The following SSPN variants were observed in gnomAD, a reference collection of about 807,000 sequenced individuals.
SSPN encodes the protein sarcospan, also known as K-ras oncogene-associated protein.
Under a neutral mutation model 19.1 loss-of-function variants are expected in SSPN, and 15 were observed. The ratio of observed to expected loss-of-function variants is 0.78; its 90% CI spans 0.52 to 1.21. The LOEUF (loss-of-function observed/expected upper bound fraction) is 1.21. SSPN is among the 50% of genes most tolerant of loss of function. The probability of loss-of-function intolerance (pLI) is 0.00; values close to 1 mark genes in which losing one functional copy is unlikely to be tolerated. For synonymous variants in SSPN, 147 were observed against 140.3 expected (o/e 1.05, Z -0.34); for missense variants, 291 against 314.0 (o/e 0.93, Z 0.55).
At chr12:26,149,800 A>G (rs1003252771) in intron 1 of SSPN, among the ~76,000 whole-genome samples, 7 of 152,246 alleles carry the variant, frequency 4.6e-5, no homozygotes, top group East Asian at 3.8e-4. Flanking sequence ...TACAGTTAAC[A>G]TATGTAGATT....
upstream of SSPN, among the ~76,000 whole-genome samples, chr12:26,192,268 T>C (rs1277708983): frequency 1.3e-5 from 2 of 152,210 alleles, no homozygotes; most frequent in African/African-American, 4.8e-5. Context: ...CAGCCAAGAG[T>C]ATCCAAAAAC....
Position 26,233,693 on chromosome 12 carries a change from A to G in SSPN, c.*2617A>G, listed in dbSNP as rs949625576. ...ACATTTAAAATCTGACAAGGCGCCAAGATGGTGACTGTCTCCTCTAAACCA... is the reference window on the plus strand; with the variant it reads ...ACATTTAAAATCTGACAAGGCGCCAGGATGGTGACTGTCTCCTCTAAACCA... On this transcript the variant is annotated 3_prime_UTR_variant, in exon 3 of 3. Coordinates refer to ENST00000242729, the MANE Select transcript of SSPN (RefSeq NM_005086.5). The surrounding 1 kb of genome is among the most constrained non-coding windows in gnomAD (Gnocchi z 4.3). 1.3e-5 allele frequency: 2 copies of G among 152,246 alleles called. No homozygotes were observed. The highest frequency in any genetic ancestry group is 4.8e-5 in the African/African-American group (2 of 41,468). The allele number at this position is 152,246 out of a possible 1,614,324, so 9.4% of individuals were successfully genotyped here.
At chr12:26,152,113 G>T (rs776830324) in intron 1 of SSPN, among the ~76,000 whole-genome samples, 3 of 151,992 alleles carry the variant, frequency 2.0e-5, no homozygotes, top group Admixed American at 1.3e-4. Context: ...TTCATTCTAG[G>T]CAATCAACAA....
chr12:26,232,934 T>TAAA lies in SSPN; in HGVS notation c.*1877_*1879dup, dbSNP rs34314422. 15,436 of 81,088 alleles carry TAAA rather than the reference T, an allele frequency of 0.19. 1,928 individuals carry two copies. The highest frequency in any genetic ancestry group is 0.28 in the Admixed American group (1,681 of 6,006). 5.0% of individuals were successfully genotyped at this position (81,088 alleles called of 1,614,324 possible). ...ACCTGTAAAATACCTTGTGCCCTAT[T>TAAA]AAAAAAAAAAAAAAAAAAAAAGCCA... On this transcript the variant is annotated 3_prime_UTR_variant, in exon 3 of 3. Transcript: ENST00000242729.
upstream of SSPN, among the ~76,000 whole-genome samples, chr12:26,193,657 T>G (rs1166351052): frequency 1.3e-5 from 2 of 152,200 alleles, no homozygotes; most frequent in Non-Finnish European, 2.9e-5. Context: ...ATTTGTCTGT[T>G]CACAATAGAA....
At chr12:26,199,677 G>A (rs957663102) in intron 1 of SSPN, among the ~76,000 whole-genome samples, 2 of 152,222 alleles carry the variant, frequency 1.3e-5, no homozygotes, top group African/African-American at 4.8e-5. Context: ...AAGGATTGAA[G>A]TAATCTAAGG....
intron 1 of SSPN, among the ~76,000 whole-genome samples, chr12:26,147,279 T>TG (rs1183500810): frequency 8.7e-4 from 11 of 12,712 alleles, no homozygotes; most frequent in South Asian, 2.1e-3. Flanking sequence ...TTTTTTTGTG[T>TG]TTTTTTTTTT....
intron 1 of SSPN, among the ~76,000 whole-genome samples, chr12:26,174,154 T>G (rs1944669177): frequency 6.6e-6 from 1 of 152,074 alleles, no homozygotes; most frequent in South Asian, 2.1e-4. Context: ...ATCAGGAAAC[T>G]TCTTTGCGGT....
intron 1 of SSPN, among the ~76,000 whole-genome samples, chr12:26,131,461 A>G (rs1944397198): frequency 6.6e-6 from 1 of 152,184 alleles, no homozygotes; most frequent in Admixed American, 6.5e-5. Context: ...GCTTGAAGAG[A>G]GCAGCTTCCA....
At chr12:26,129,371 C>T (rs1404225045) in intron 1 of SSPN, among the ~76,000 whole-genome samples, 1 of 152,176 alleles carries the variant, frequency 6.6e-6, no homozygotes, top group African/African-American at 2.4e-5. Flanking sequence ...GGGATCTGGA[C>T]TTACAAAAGC....
chr12:26,212,212 A>G (rs773644214), intron 1 of SSPN, among the ~76,000 whole-genome samples: 1 of 152,198 alleles, frequency 6.6e-6, no homozygotes, highest in Non-Finnish European at 1.5e-5. Flanking sequence ...GCATGCTCAT[A>G]TGAAAATACA....
chr12:26,185,855 G>A (rs1944750585), intron 1 of SSPN, among the ~76,000 whole-genome samples: 1 of 152,198 alleles, frequency 6.6e-6, no homozygotes, highest in Non-Finnish European at 1.5e-5. Context: ...CCCAGCGTGT[G>A]TCATCCTTTA....
intron 1 of SSPN, 73 bp from the exon 2 acceptor site, chr12:26,224,220 A>C (rs1354948391): frequency 2.0e-6 from 2 of 1,003,982 alleles, no homozygotes; most frequent in Admixed American, 3.5e-5. Flanking sequence ...CTGCAGGAAG[A>C]TACTGAGACT....
rs1354264628 is a variant in SSPN, at chr12:26,155,407, A to G, written c.-31+33255A>G. 2.6e-5 allele frequency among the ~76,000 whole-genome samples: 4 copies of G among 152,212 alleles called. No homozygotes were observed. In the South Asian group the frequency reaches 6.2e-4, roughly 24 times the overall value. ...AGGGGATGGTGTTGTGGACAGAGGA[A>G]AAGAGCGAAAGATCATCAAACCTTC... is the stretch of plus-strand genomic sequence containing the variant. On this transcript the variant is annotated intron_variant, in intron 1 of 2. Transcript: ENST00000538142.
intron 1 of SSPN, among the ~76,000 whole-genome samples, chr12:26,203,900 G>C (rs944227058): frequency 1.3e-5 from 2 of 152,158 alleles, no homozygotes; most frequent in Non-Finnish European, 2.9e-5. Flanking sequence ...TGCATGTGAA[G>C]AGAAGAAGAG....
chr12:26,231,920 T>TA lies in SSPN; in HGVS notation c.*845dup, dbSNP rs1945237635. 1 of 984,878 alleles carries TA rather than the reference T, an allele frequency of 1.0e-6. No homozygotes were observed. Among genetic ancestry groups the TA allele is most frequent in the Admixed American group, 6.1e-5 (1 of 16,272 alleles). The allele number at this position is 984,878 out of a possible 1,614,324, so 61.0% of individuals were successfully genotyped here. A position where few individuals can be genotyped will look rare whatever the true frequency, so the allele number is the denominator to read the frequency against. On this transcript the variant is annotated 3_prime_UTR_variant, in exon 3 of 3. Coordinates refer to ENST00000242729, the MANE Select transcript of SSPN (RefSeq NM_005086.5). The stretch of plus-strand genomic sequence containing the variant: ...CTATTTAATGAGCTCTGACTGTACT[T>TA]ACGCTGCACTGTCGGTGTTAAGAGA...
At chr12:26,124,580 A>C (rs1211970475) in intron 1 of SSPN, 1 of 1,614,216 alleles carries the variant, frequency 6.2e-7, no homozygotes, top group Non-Finnish European at 8.5e-7. Context: ...GGAATAGTCC[A>C]GTCTGCAAAA....
Position 26,232,139 on chromosome 12 carries a change from C to T in SSPN, c.*1063C>T. On this transcript the variant is annotated 3_prime_UTR_variant, in exon 3 of 3. Transcript: ENST00000242729. ...AAAAGCATCTCTCTTGGCAACCAAT[C>T]TATGTTTGAGGAAGATTGGGTAATG... 1.0e-6 allele frequency: 1 copy of T among 985,426 alleles called. No individual in the cohort carries two copies. The highest frequency in any genetic ancestry group is 1.2e-6 in the Non-Finnish European group (1 of 829,916). The allele number at this position is 985,426 out of a possible 1,614,324, so 61.0% of individuals were successfully genotyped here.
chr12:26,144,550 G>A (rs943217779), intron 1 of SSPN, among the ~76,000 whole-genome samples: 13 of 152,130 alleles, frequency 8.5e-5, no homozygotes, highest in African/African-American at 2.9e-4. Context: ...GTCTCTCTTG[G>A]ACTGTGAGCC....
Sources: allele counts gnomAD v4.1 joint callset (sites outside exome capture counted in the v4.1 genomes callset), GRCh38; gene constraint gnomAD v4.1.1; non-coding constraint Gnocchi (gnomAD v3.1); transcripts MANE v1.5; gene names NCBI Gene and HGNC (gene_info 2026-07-23, HGNC 2026-07-21).